Variants in MAN1A2 observed in about 807,000 individuals in gnomAD.
The protein encoded by MAN1A2 is mannosidase alpha class 1A member 2.
In MAN1A2, 26 loss-of-function variants were observed where a neutral mutation model predicts 75.7. That is an observed-to-expected ratio of 0.34 (90% CI 0.25 to 0.48). MAN1A2 has a LOEUF of 0.48. MAN1A2 is among the 20% of genes least tolerant of loss of function. The pLI, the probability that MAN1A2 is intolerant of heterozygous loss-of-function variation, is 0.99. For synonymous variants in MAN1A2, 247 were observed against 264.6 expected (o/e 0.93, Z 0.65); for missense variants, 562 against 775.5 (o/e 0.72, Z 3.27).
intron 8 of MAN1A2, among the ~76,000 whole-genome samples, chr1:117,492,269 G>T (rs1343347861): frequency 6.6e-6 from 1 of 151,944 alleles, no homozygotes; most frequent in African/African-American, 2.4e-5. Flanking sequence ...AATTGCCCCA[G>T]CCACCCCAGC....
intron 7 of MAN1A2, among the ~76,000 whole-genome samples, chr1:117,464,306 C>A (rs1047499763): frequency 6.8e-6 from 1 of 146,486 alleles, no homozygotes; most frequent in Admixed American, 6.9e-5. Context: ...TTGCAATGAA[C>A]TGAGATCGAG....
At chr1:117,468,841 A>G (rs1213974259) in intron 8 of MAN1A2, among the ~76,000 whole-genome samples, 1 of 152,088 alleles carries the variant, frequency 6.6e-6, no homozygotes, top group Non-Finnish European at 1.5e-5. Flanking sequence ...ATAGAAACCA[A>G]AGTGTTATGT....
intron 1 of MAN1A2, among the ~76,000 whole-genome samples, chr1:117,398,874 T>G (rs563712255): frequency 3.3e-5 from 5 of 152,118 alleles, no homozygotes; most frequent in Admixed American, 6.6e-5. Flanking sequence ...CTGAATAATT[T>G]CAGAAAGCAC....
Position 117,526,742 on chromosome 1 carries a change from A to G in MAN1A2, c.*3785A>G, listed in dbSNP as rs1349904869. ...TGTTAAATATAAAGAAAAATATACT[A>G]AAATATTCAAAGTTCCAAATAACAG... On this transcript the variant is annotated 3_prime_UTR_variant, in exon 13 of 13. Coordinates refer to ENST00000356554, the MANE Select transcript of MAN1A2 (RefSeq NM_006699.5). The G allele has an allele frequency of 1.3e-5, 2 of 150,764 alleles. No homozygotes were observed. Among genetic ancestry groups the G allele is most frequent in the Non-Finnish European group, 3.0e-5 (2 of 67,454 alleles). 9.3% of individuals were successfully genotyped at this position (150,764 alleles called of 1,614,324 possible). A position where few individuals can be genotyped will look rare whatever the true frequency, so the allele number is the denominator to read the frequency against.
At chr1:117,519,043 C>G (rs1238794471) in intron 12 of MAN1A2, among the ~76,000 whole-genome samples, 1 of 152,060 alleles carries the variant, frequency 6.6e-6, no homozygotes, top group African/African-American at 2.4e-5. Context: ...GCCTTCAAAA[C>G]CATGCAAATA....
chr1:117,521,947 C>T (rs535961980), intron 12 of MAN1A2, among the ~76,000 whole-genome samples: 13 of 151,872 alleles, frequency 8.6e-5, no homozygotes, highest in East Asian at 3.9e-4. Flanking sequence ...AACCAAGCAT[C>T]GTATGTTCTC....
intron 4 of MAN1A2, 75 bp downstream of exon 4, chr1:117,414,906 C>A: frequency 1.1e-6 from 1 of 870,280 alleles, no homozygotes; most frequent in Non-Finnish European, 1.9e-6. Context: ...ATGGTCTGAA[C>A]ATTTGTGCCT....
chr1:117,425,835 T>C (rs559735526), intron 5 of MAN1A2, among the ~76,000 whole-genome samples: 1 of 152,322 alleles, frequency 6.6e-6, no homozygotes, highest in Non-Finnish European at 1.5e-5. Flanking sequence ...TTACCTTAGG[T>C]GATCAGTTAT....
chr1:117,480,934 G>T lies in MAN1A2; in HGVS notation c.1169-12213G>T, dbSNP rs74112603. On this transcript the variant is annotated intron_variant, in intron 8 of 12. Coordinates refer to ENST00000356554, the MANE Select transcript of MAN1A2 (RefSeq NM_006699.5). ...AACACTTCCTCTAGGAGTTTCTAATGGTTCGTTACCTACACCTTTCCCTCA... is the reference window on the plus strand; with the variant it reads ...AACACTTCCTCTAGGAGTTTCTAATTGTTCGTTACCTACACCTTTCCCTCA... 2.6e-5 allele frequency among the ~76,000 whole-genome samples: 4 copies of T among 151,742 alleles called. No individual in the cohort carries two copies. The East Asian group carries it at 5.9e-4, about 22-fold the overall frequency.
intron 1 of MAN1A2, among the ~76,000 whole-genome samples, chr1:117,383,322 C>T (rs1200527548): frequency 6.6e-6 from 1 of 152,156 alleles, no homozygotes; most frequent in Non-Finnish European, 1.5e-5. Flanking sequence ...GTCTACCTGC[C>T]TATGCCTGTA....
chr1:117,422,714 T>C (rs1648236453), intron 5 of MAN1A2, among the ~76,000 whole-genome samples: 1 of 152,140 alleles, frequency 6.6e-6, no homozygotes, highest in Non-Finnish European at 1.5e-5. Context: ...TTGTCATATG[T>C]ATTTTTTGAA....
chr1:117,433,060 G>A (rs1411725733), intron 5 of MAN1A2, among the ~76,000 whole-genome samples: 1 of 151,414 alleles, frequency 6.6e-6, no homozygotes, highest in Admixed American at 6.6e-5. Flanking sequence ...AACAATAAAG[G>A]AGAAAAATCA....
intron 1 of MAN1A2, among the ~76,000 whole-genome samples, chr1:117,388,763 G>A (rs1653623942): frequency 6.6e-6 from 1 of 152,172 alleles, no homozygotes; most frequent in African/African-American, 2.4e-5. Context: ...GATGCCTGTA[G>A]TACTAATAAC....
chr1:117,444,041 G>C (rs1028510511), intron 6 of MAN1A2, among the ~76,000 whole-genome samples: 2 of 151,810 alleles, frequency 1.3e-5, no homozygotes, highest in African/African-American at 4.8e-5. Context: ...ATATGATACA[G>C]CAGACAGAAA....
intron 12 of MAN1A2, among the ~76,000 whole-genome samples, chr1:117,521,310 G>T (rs1450175881): frequency 6.6e-6 from 1 of 151,998 alleles, no homozygotes; most frequent in Non-Finnish European, 1.5e-5. Context: ...TAAATAGCTG[G>T]GACTTAATTA....
At chr1:117,386,391 T>G (rs951897501) in intron 1 of MAN1A2, among the ~76,000 whole-genome samples, 3 of 152,106 alleles carry the variant, frequency 2.0e-5, no homozygotes, top group African/African-American at 7.2e-5. Context: ...GTTAGAATGA[T>G]GGGGATGAGG....
At chr1:117,442,379 C>A in intron 6 of MAN1A2, 54 bp downstream of exon 6, 2 of 1,232,900 alleles carry the variant, frequency 1.6e-6, no homozygotes, top group South Asian at 1.2e-5. Flanking sequence ...CCTTTTTAGT[C>A]TTAGAAATTT....
intron 12 of MAN1A2, among the ~76,000 whole-genome samples, chr1:117,507,510 G>C (rs1334572826): frequency 6.6e-6 from 1 of 151,710 alleles, no homozygotes; most frequent in Non-Finnish European, 1.5e-5. Flanking sequence ...CAGGAAAGAA[G>C]TGAAAGGAAG....
intron 8 of MAN1A2, among the ~76,000 whole-genome samples, chr1:117,488,823 C>G (rs1428149609): frequency 6.6e-6 from 1 of 151,956 alleles, no homozygotes; most frequent in Non-Finnish European, 1.5e-5. Flanking sequence ...TTATTACTTT[C>G]TACAACGAAA....
Sources: allele counts gnomAD v4.1 joint callset (sites outside exome capture counted in the v4.1 genomes callset), GRCh38; gene constraint gnomAD v4.1.1; transcripts MANE v1.5; gene names NCBI Gene and HGNC (gene_info 2026-07-23, HGNC 2026-07-21).